ISCA1: variants seen among roughly 807,000 people sequenced by gnomAD.
The protein encoded by ISCA1 is iron-sulfur cluster assembly 1, also known as iron-sulfur cluster assembly 1 homolog, mitochondrial.
ISCA1 carries 9 observed loss-of-function variants against 14.7 expected under a neutral mutation model. The ratio of observed to expected loss-of-function variants is 0.61; its 90% CI spans 0.37 to 1.07. The LOEUF (loss-of-function observed/expected upper bound fraction) is 1.07. Among genes scored for constraint, ISCA1 ranks in the 50% least tolerant of loss-of-function variants. The probability of loss-of-function intolerance (pLI) is 0.01; values close to 1 mark genes in which losing one functional copy is unlikely to be tolerated. For missense variants in ISCA1, 102 were observed against 150.1 expected (o/e 0.68, Z 1.67); for synonymous variants, 38 against 54.3 (o/e 0.70, Z 1.32).
rs562470641 is a variant in ISCA1, at chr9:86,276,709, A to T, written c.82-2467T>A. On this transcript the variant is annotated intron_variant, in intron 1 of 3. Coordinates refer to ENST00000375991, the MANE Select transcript of ISCA1 (RefSeq NM_030940.4). ...AACATGGTGAAACCCCGTCTCTATT[A>T]AAAATACAAACATTAGCTGAGGATG... is the stretch of plus-strand genomic sequence containing the variant. Among the ~76,000 whole-genome samples the T allele has an allele frequency of 5.3e-5, 8 of 152,004 alleles. No individual in the cohort carries two copies. In the East Asian group the frequency reaches 1.4e-3, roughly 26 times the overall value.
chr9:86,282,503 G>A lies in ISCA1; in HGVS notation c.-45C>T, dbSNP rs1211629685. On this transcript the variant is annotated 5_prime_UTR_variant, in exon 1 of 4. Transcript: ENST00000375991. ...CGGTGCCTCGGGCCGAAGGTCGGCCGCCTCAGCTTCTCTCCATGGACACGG... is the reference window on the plus strand; with the variant it reads ...CGGTGCCTCGGGCCGAAGGTCGGCCACCTCAGCTTCTCTCCATGGACACGG... The A allele has an allele frequency of 6.5e-6, 10 of 1,549,728 alleles. No individual in the cohort carries two copies. The highest frequency in any genetic ancestry group is 1.4e-5 in the African/African-American group (1 of 73,034).
chr9:86,275,968 C>T (rs897637431), intron 1 of ISCA1, among the ~76,000 whole-genome samples: 10 of 152,128 alleles, frequency 6.6e-5, no homozygotes, highest in Non-Finnish European at 1.0e-4. Flanking sequence ...GGACTGGTTT[C>T]GTGGAAGACA....
At chr9:86,282,218 G>A in intron 1 of ISCA1, 160 bp downstream of exon 1, 1 of 717,494 alleles carries the variant, frequency 1.4e-6, no homozygotes, top group East Asian at 3.0e-5. Flanking sequence ...AGAGGGGCCG[G>A]AGGCGAAGGA....
chr9:86,278,182 T>C (rs1426713127), intron 1 of ISCA1, among the ~76,000 whole-genome samples: 2 of 152,208 alleles, frequency 1.3e-5, no homozygotes, highest in African/African-American at 4.8e-5. Context: ...ATCAATTTTC[T>C]GGGGGAACAA....
chr9:86,272,942 A>G (rs777286624), intron 2 of ISCA1, among the ~76,000 whole-genome samples: 1 of 152,164 alleles, frequency 6.6e-6, no homozygotes, highest in African/African-American at 2.4e-5. Context: ...TTTCTGACCT[A>G]TGGTTGATTG....
At position 86,282,507 on chromosome 9, in the gene ISCA1, C is replaced by G. The variant is rs749800469; in HGVS notation, c.-49G>C. The G allele has an allele frequency of 6.5e-7, 1 of 1,549,708 alleles. No individual in the cohort carries two copies. The highest frequency in any genetic ancestry group is 2.0e-5 in the Admixed American group (1 of 50,982). ...GCCTCGGGCCGAAGGTCGGCCGCCT[C>G]AGCTTCTCTCCATGGACACGGCGGG... On this transcript the variant is annotated 5_prime_UTR_variant, in exon 1 of 4. An upstream open reading frame in the 5' UTR loses its in-frame stop. Transcript: ENST00000375991.
intron 1 of ISCA1, among the ~76,000 whole-genome samples, chr9:86,280,779 A>G (rs982953439): frequency 3.3e-5 from 5 of 151,894 alleles, no homozygotes; most frequent in African/African-American, 1.2e-4. Flanking sequence ...GGGAGACCCT[A>G]GGTGCATGCA....
rs1825410952 is a variant in ISCA1, at chr9:86,274,200, T to C, written c.124A>G (p.Lys42Glu). The change falls in exon 2 of 4, where the codon AAG (lysine) becomes GAG (glutamate). Residue 42 changes from lysine to glutamate, a missense_variant. Physicochemically the swap from Lys to Glu is moderately conservative, Grantham distance 56. Coordinates refer to ENST00000375991, the MANE Select transcript of ISCA1 (RefSeq NM_030940.4). ...VNKIKQLLKD[K>E]PEHVGVKVGV... is the part of the protein sequence containing the mutation. ...CTGGTTTTACTTACATGCTCAGGCTTATCTTTAAGAAGTTGTTTTATCTTG... is the reference window on the plus strand; with the variant it reads ...CTGGTTTTACTTACATGCTCAGGCTCATCTTTAAGAAGTTGTTTTATCTTG... 1 of 1,581,352 alleles carries C rather than the reference T, an allele frequency of 6.3e-7. No individual in the cohort carries two copies. The highest frequency in any genetic ancestry group is 8.7e-7 in the Non-Finnish European group (1 of 1,150,886).
Position 86,280,759 on chromosome 9 carries a change from G to A in ISCA1, c.81+1619C>T, listed in dbSNP as rs1825501973. Among the ~76,000 whole-genome samples, 3 of 152,020 alleles carry A rather than the reference G, an allele frequency of 2.0e-5. No individual in the cohort carries two copies. The South Asian group carries it at 6.2e-4, about 31-fold the overall frequency. ...GAGCCCAGGAGTTCGAGACCAGCCTGGGCAACCCAGGGAGACCCTAGGTGC... is the reference window on the plus strand; with the variant it reads ...GAGCCCAGGAGTTCGAGACCAGCCTAGGCAACCCAGGGAGACCCTAGGTGC... On this transcript the variant is annotated intron_variant, in intron 1 of 3. Coordinates refer to ENST00000375991, the MANE Select transcript of ISCA1 (RefSeq NM_030940.4).
At position 86,282,392 on chromosome 9, in the gene ISCA1, C is replaced by A; in HGVS notation, c.67G>T (p.Ala23Ser). The A allele has an allele frequency of 6.4e-7, 1 of 1,551,440 alleles. No individual in the cohort carries two copies. Among genetic ancestry groups the A allele is most frequent in the Non-Finnish European group, 8.7e-7 (1 of 1,147,496 alleles). ...CGAGCACTCACCAGGGTGAGGGCTG[C>A]CCGGGTGGGCTGCAGCTTCCTCTTG... ...VSKRKLQPTRAALTLTPSAVN... is the reference protein window; with the variant it reads ...VSKRKLQPTRSALTLTPSAVN... Residue 23 changes from alanine (A) to serine (S), a missense_variant, in exon 1 of 4, where the codon GCA (alanine) becomes TCA (serine). Transcript: ENST00000375991.
chr9:86,276,572 G>T (rs1587820734), intron 1 of ISCA1, among the ~76,000 whole-genome samples: 2 of 152,242 alleles, frequency 1.3e-5, no homozygotes, highest in East Asian at 3.9e-4. Flanking sequence ...GCTGGGCCTG[G>T]TGCCTCATGC....
chr9:86,269,978 C>T (rs7033798), intron 3 of ISCA1, among the ~76,000 whole-genome samples: 67,096 of 151,054 alleles, frequency 0.44, 15,074 homozygotes, highest in Middle Eastern at 0.59. Flanking sequence ...AGACCTAAAA[C>T]CATAAAAACC....
At position 86,272,158 on chromosome 9, in the gene ISCA1, A is replaced by T. The variant is rs781247794; in HGVS notation, c.136-46T>A. On this transcript the variant is annotated intron_variant, in intron 2 of 3. Coordinates refer to ENST00000375991, the MANE Select transcript of ISCA1 (RefSeq NM_030940.4). ...TAAACTTGGTTTTAAAGTAGTACAG[A>T]TTAAACAATTATACTAATAAAGTGA... is the stretch of plus-strand genomic sequence containing the variant. 5 of 1,107,566 alleles carry T rather than the reference A, an allele frequency of 4.5e-6. No homozygotes were observed. The Admixed American group carries it at 9.4e-5, about 21-fold the overall frequency. The allele number at this position is 1,107,566 out of a possible 1,614,324, so 68.6% of individuals were successfully genotyped here. A position where few individuals can be genotyped will look rare whatever the true frequency, so the allele number is the denominator to read the frequency against.
In ISCA1 at chr9:86,282,488, G is replaced by A. The variant is rs768522956; in HGVS notation, c.-30C>T. 534 of 1,550,280 alleles carry A rather than the reference G, an allele frequency of 3.4e-4. 1 individual carries two copies. Among genetic ancestry groups the A allele is most frequent in the Admixed American group, 3.1e-4 (16 of 51,034 alleles). Reference sequence around the variant, plus strand: ...GCCGTCCCGGCGCCCCGGTGCCTCGGGCCGAAGGTCGGCCGCCTCAGCTTC... The same window carrying A: ...GCCGTCCCGGCGCCCCGGTGCCTCGAGCCGAAGGTCGGCCGCCTCAGCTTC... On this transcript the variant is annotated 5_prime_UTR_variant, in exon 1 of 4. Coordinates refer to ENST00000375991, the MANE Select transcript of ISCA1 (RefSeq NM_030940.4).
intron 1 of ISCA1, chr9:86,281,844 C>G (rs1050264351): frequency 6.5e-6 from 1 of 154,094 alleles, no homozygotes; most frequent in Admixed American, 6.5e-5. Flanking sequence ...TAACGCTTTG[C>G]GCGCCGCGGC....
intron 1 of ISCA1, chr9:86,282,100 C>A (rs1014711316): frequency 8.6e-6 from 4 of 466,874 alleles, no homozygotes; most frequent in South Asian, 6.2e-5. Context: ...GGGACGCCCA[C>A]CCCCGGGATC....
rs889857195 is a variant in ISCA1 at position 86,282,528 on chromosome 9, G to A, written c.-70C>T. On this transcript the variant is annotated 5_prime_UTR_variant, in exon 1 of 4. Coordinates refer to ENST00000375991, the MANE Select transcript of ISCA1 (RefSeq NM_030940.4). ...GCCTCAGCTTCTCTCCATGGACACG[G>A]CGGGCGCATTGACGCCACAAGCTTC... is the stretch of plus-strand genomic sequence containing the variant. 16 of 1,549,336 alleles carry A rather than the reference G, an allele frequency of 1.0e-5. No homozygotes were observed. The highest frequency in any genetic ancestry group is 2.4e-5 in the South Asian group (2 of 84,040).
At position 86,278,107 on chromosome 9, in the gene ISCA1, T is replaced by C. The variant is rs541270170; in HGVS notation, c.82-3865A>G. Among the ~76,000 whole-genome samples, 9 of 152,246 alleles carry C rather than the reference T, an allele frequency of 5.9e-5. No individual in the cohort carries two copies. The South Asian group carries it at 1.9e-3, about 32-fold the overall frequency. ...CTAAAGTTAACTCTGTGATTATGCA[T>C]ACTAAACATGTGCCAACAACTACAA... On this transcript the variant is annotated intron_variant, in intron 1 of 3. Transcript: ENST00000375991.
chr9:86,267,515 A>G (rs1173542226), intron 3 of ISCA1: 1 of 976,290 alleles, frequency 1.0e-6, no homozygotes, highest in East Asian at 1.1e-4. Flanking sequence ...TAAATTATTT[A>G]TTTTAGATAG....
Sources: gnomAD v4.1 joint callset for allele counts (sites outside exome capture counted in the v4.1 genomes callset) on GRCh38, gnomAD v4.1.1 for gene constraint, MANE v1.5 for transcripts, NCBI Gene and HGNC (gene_info 2026-07-23, HGNC 2026-07-21) for gene names.